The following DHRSX variants were observed in gnomAD, a reference collection of about 807,000 sequenced individuals.
DHRSX encodes dehydrogenase/reductase X-linked.
DHRSX carries 31 observed loss-of-function variants against 34.0 expected under a neutral mutation model. The observed-to-expected ratio is 0.91, with a 90% confidence interval of 0.69 to 1.23. DHRSX has a LOEUF of 1.23. Among genes scored for constraint, DHRSX ranks in the 50% most tolerant of loss-of-function variants. The pLI is 0.00. For synonymous variants in DHRSX, 201 were observed against 183.8 expected, an observed-to-expected ratio of 1.09 and a Z score of -0.76; for missense variants, 414 against 428.1, an observed-to-expected ratio of 0.97 and a Z score of 0.29.
intron 1 of DHRSX, among the ~76,000 whole-genome samples, chrX:2,455,209 A>G (rs1229382532): frequency 5.3e-5 from 8 of 151,532 alleles, no homozygotes; most frequent in Non-Finnish European, 1.2e-4. Flanking sequence ...AAGACAAAAT[A>G]CCTCCTGTTC....
rs2041478775 is a variant in DHRSX, at chrX:2,266,684, G to A, written c.596+56C>T. On this transcript the variant is annotated intron_variant, in intron 5 of 6. Transcript: ENST00000334651. ...CCACACCGCACAGACAGAGGGAGAT[G>A]AATAACCTTTAACCCACCTGAGATG... is the stretch of plus-strand genomic sequence containing the variant. The A allele has an allele frequency of 3.9e-6, 6 of 1,544,532 alleles. No individual in the cohort carries two copies. The South Asian group carries it at 5.6e-5, about 14-fold the overall frequency.
intron 1 of DHRSX, among the ~76,000 whole-genome samples, chrX:2,434,297 T>C (rs913121124): frequency 6.6e-6 from 1 of 152,196 alleles, no homozygotes; most frequent in African/African-American, 2.4e-5. Context: ...TTGGAGAAGT[T>C]AGAAGTTTAC....
chrX:2,488,415 T>C (rs1190903375), intron 1 of DHRSX: 2 of 553,986 alleles, frequency 3.6e-6, no homozygotes, highest in East Asian at 6.5e-5. Flanking sequence ...CCTCAGCTGA[T>C]CTGCCCACCT....
chrX:2,352,368 T>C (rs778211234), intron 3 of DHRSX, among the ~76,000 whole-genome samples: 3 of 152,222 alleles, frequency 2.0e-5, no homozygotes, highest in African/African-American at 7.2e-5. Context: ...AAGCAGATTA[T>C]GGTTAAACTA....
chrX:2,362,807 G>A (rs746123682), intron 3 of DHRSX, among the ~76,000 whole-genome samples: 1,998 of 139,992 alleles, frequency 0.014, 19 homozygotes, highest in Admixed American at 0.018. Context: ...TTTTATCACC[G>A]TTCTATGGTA....
rs767720690 is a variant in DHRSX, at chrX:2,225,601, T to G, written c.805-4372A>C. ...CTTAGACCTCCAGCCTCCAGGACTG[T>G]GGGAGAATCAATGTATGTCGTTTCT... is the stretch of plus-strand genomic sequence containing the variant. On this transcript the variant is annotated intron_variant, in intron 6 of 6. Transcript: ENST00000334651. Among the ~76,000 whole-genome samples the G allele has an allele frequency of 7.9e-5, 12 of 150,996 alleles. No homozygotes were observed. In the East Asian group the frequency reaches 2.4e-3, roughly 30 times the overall value.
At chrX:2,487,154 C>G (rs1180488816) in intron 1 of DHRSX, 2 of 152,246 alleles carry the variant, frequency 1.3e-5, no homozygotes, top group African/African-American at 2.4e-5. Flanking sequence ...TGACTGAAAG[C>G]AACTCGCAGG....
chrX:2,484,805 A>G, intron 1 of DHRSX, among the ~76,000 whole-genome samples: 1 of 152,168 alleles, frequency 6.6e-6, no homozygotes, highest in East Asian at 1.9e-4. Context: ...GCGCAGGAAG[A>G]TGGTCGGAAC....
chrX:2,424,767 G>T (rs1265384536), intron 2 of DHRSX, among the ~76,000 whole-genome samples: 2 of 152,134 alleles, frequency 1.3e-5, no homozygotes, highest in African/African-American at 2.4e-5. Flanking sequence ...TTCTGGATCT[G>T]ACTGAATTTT....
At chrX:2,496,184 T>C (rs1416832891) in intron 1 of DHRSX, among the ~76,000 whole-genome samples, 1 of 151,754 alleles carries the variant, frequency 6.6e-6, no homozygotes, top group East Asian at 1.9e-4. Context: ...GTTTTTATTT[T>C]TGTTTTTGTT....
At chrX:2,489,997 C>G (rs1398815373) in intron 1 of DHRSX, 2 of 1,613,792 alleles carry the variant, frequency 1.2e-6, no homozygotes, top group South Asian at 2.2e-5. Context: ...CCGCCGTGTT[C>G]TCTTCGGGCA....
chrX:2,405,339 T>G (rs1467151330), intron 3 of DHRSX, among the ~76,000 whole-genome samples: 2 of 151,076 alleles, frequency 1.3e-5, no homozygotes, highest in East Asian at 3.9e-4. Flanking sequence ...ATACAAAAAT[T>G]AGCCGGGCTT....
chrX:2,381,797 C>CAAAAAAAA (rs767319246), intron 3 of DHRSX, among the ~76,000 whole-genome samples: 24 of 81,536 alleles, frequency 2.9e-4, no homozygotes, highest in African/African-American at 5.0e-4. Flanking sequence ...AAGCCACAAC[C>CAAAAAAAA]AAAAAAAAAA....
intron 3 of DHRSX, among the ~76,000 whole-genome samples, chrX:2,342,337 C>T (rs1459150566): frequency 6.6e-6 from 1 of 152,062 alleles, no homozygotes; most frequent in African/African-American, 2.4e-5. Flanking sequence ...ACAGAGCACA[C>T]ACCCTCACTC....
chrX:2,304,699 C>T (rs1399723822), intron 3 of DHRSX, among the ~76,000 whole-genome samples: 1 of 152,038 alleles, frequency 6.6e-6, no homozygotes, highest in Non-Finnish European at 1.5e-5. Context: ...TTCCTCATGC[C>T]TCCCTAGAAG....
At chrX:2,410,008 G>T (rs1022853078) in intron 2 of DHRSX, among the ~76,000 whole-genome samples, 9 of 152,148 alleles carry the variant, frequency 5.9e-5, no homozygotes, top group African/African-American at 2.2e-4. Context: ...TGGGATGACA[G>T]GTATGAGCCA....
In DHRSX at chrX:2,303,367, T is replaced by G. The variant is rs192519551; in HGVS notation, c.287-11764A>C. ...GGAGGTGGATTTCTCACGAATGGGT[T>G]AGCGCCATCCCCTTGGTGATGTTCT... is the stretch of plus-strand genomic sequence containing the variant. On this transcript the variant is annotated intron_variant, in intron 3 of 6. Coordinates refer to ENST00000334651, the MANE Select transcript of DHRSX (RefSeq NM_145177.3). 4.1e-4 allele frequency among the ~76,000 whole-genome samples: 62 copies of G among 152,240 alleles called. 1 individual carries two copies. The highest frequency in any genetic ancestry group is 3.1e-3 in the South Asian group (15 of 4,820).
chrX:2,476,263 T>G (rs2124030899), intron 1 of DHRSX, among the ~76,000 whole-genome samples: 1 of 152,080 alleles, frequency 6.6e-6, no homozygotes, highest in East Asian at 1.9e-4. Context: ...CCAGGCATGG[T>G]GGCAGATGCC....
At chrX:2,369,176 T>C (rs934310154) in intron 3 of DHRSX, among the ~76,000 whole-genome samples, 3 of 151,964 alleles carry the variant, frequency 2.0e-5, no homozygotes, top group Non-Finnish European at 4.4e-5. Flanking sequence ...GGTTGAAACT[T>C]CCCCCCAGCC....
Sources: gnomAD v4.1 joint callset for allele counts (sites outside exome capture counted in the v4.1 genomes callset) on GRCh38, gnomAD v4.1.1 for gene constraint, MANE v1.5 for transcripts, NCBI Gene and HGNC (gene_info 2026-07-23, HGNC 2026-07-21) for gene names.